CD6: variants seen among roughly 807,000 people sequenced by gnomAD.
CD6 encodes CD6 molecule.
CD6 carries 53 observed loss-of-function variants against 75.3 expected under a neutral mutation model. The ratio of observed to expected loss-of-function variants is 0.70; its 90% CI spans 0.56 to 0.88. CD6 has a LOEUF of 0.88. CD6 is among the 40% of genes least tolerant of loss of function. CD6 has a pLI of 0.00. For missense variants in CD6, 770 were observed against 897.1 expected, an observed-to-expected ratio of 0.86 and a Z score of 1.81; for synonymous variants, 359 against 381.5, an observed-to-expected ratio of 0.94 and a Z score of 0.69.
intron 1 of CD6, among the ~76,000 whole-genome samples, chr11:61,003,004 G>A (rs543591342): frequency 2.7e-4 from 40 of 147,628 alleles, no homozygotes; most frequent in African/African-American, 9.7e-4. Context: ...TCGCTCTGTT[G>A]GCCAGGCTGG....
intron 1 of CD6, among the ~76,000 whole-genome samples, chr11:60,976,027 A>T (rs1028885899): frequency 3.3e-5 from 5 of 152,350 alleles, no homozygotes; most frequent in South Asian, 2.1e-4. Flanking sequence ...AGTTATTTTT[A>T]AAATTTTTAT....
Position 61,007,938 on chromosome 11 carries a change from C to A in CD6, c.469+28C>A. 7.9e-7 allele frequency: 1 copy of A among 1,259,424 alleles called. No homozygotes were observed. The highest frequency in any genetic ancestry group is 1.0e-6 in the Non-Finnish European group (1 of 989,912). The allele number at this position is 1,259,424 out of a possible 1,614,324, so 78.0% of individuals were successfully genotyped here. A position where few individuals can be genotyped will look rare whatever the true frequency, so the allele number is the denominator to read the frequency against. ...ACGAGCGCACCCCCTACACGGGCCC[C>A]CACCTGCCCCACTCCCCAGGCCTTC... On this transcript the variant is annotated intron_variant, in intron 3 of 12. Transcript: ENST00000313421. The surrounding 1 kb of genome is among the most constrained non-coding windows in gnomAD (Gnocchi z 4.2).
intron 1 of CD6, among the ~76,000 whole-genome samples, chr11:60,984,835 G>T (rs144049159): frequency 3.9e-5 from 6 of 152,300 alleles, no homozygotes; most frequent in African/African-American, 1.4e-4. Context: ...GAGGCCCTGA[G>T]GCAGGAATGA....
chr11:61,007,995 C>A lies in CD6; in HGVS notation c.469+85C>A. ...TGCCCCTGGCTCCAGACCCTGGACGCAAGCCTCGCCCTCCAGACCTCCACC... is the reference window on the plus strand; with the variant it reads ...TGCCCCTGGCTCCAGACCCTGGACGAAAGCCTCGCCCTCCAGACCTCCACC... On this transcript the variant is annotated intron_variant, in intron 3 of 12. Coordinates refer to ENST00000313421, the MANE Select transcript of CD6 (RefSeq NM_006725.5). The surrounding 1 kb of genome is among the most constrained non-coding windows in gnomAD (Gnocchi z 4.2). The A allele has an allele frequency of 3.2e-6, 3 of 927,984 alleles. No individual in the cohort carries two copies. Among genetic ancestry groups the A allele is most frequent in the Non-Finnish European group, 4.3e-6 (3 of 692,986 alleles). The allele number at this position is 927,984 out of a possible 1,614,324, so 57.5% of individuals were successfully genotyped here.
rs190704877 is a variant in CD6 at position 61,007,332 on chromosome 11, G to C, written c.119-228G>C. On this transcript the variant is annotated intron_variant, in intron 2 of 12. Transcript: ENST00000313421. This position sits in a 1 kb window ranked among gnomAD's most constrained non-coding sequence, Gnocchi z 4.2. ...TGTCTGTCACCCATCTTAACCTCTA[G>C]AGTCACTCCCAAGCCCCACCTTCGG... 6.6e-6 allele frequency among the ~76,000 whole-genome samples: 1 copy of C among 152,264 alleles called. No individual in the cohort carries two copies. Among genetic ancestry groups the C allele is most frequent in the Admixed American group, 6.5e-5 (1 of 15,302 alleles).
In CD6 at chr11:61,011,027, C is replaced by T. The variant is rs370567112; in HGVS notation, c.1085-43C>T. On this transcript the variant is annotated intron_variant, in intron 5 of 12. Transcript: ENST00000313421. The stretch of plus-strand genomic sequence containing the variant: ...CCCAAGGCCTGGCACACAGTAGGTG[C>T]TCAGTAACATGCATTGAGTGACTGG... The T allele has an allele frequency of 1.9e-6, 3 of 1,573,402 alleles. No individual in the cohort carries two copies. In the African/African-American group the frequency reaches 4.0e-5, roughly 21 times the overall value.
rs7941091 is a variant in CD6 at position 60,994,241 on chromosome 11, G to A, written c.50-12333G>A. Reference sequence around the variant, plus strand: ...GGATTGCTTGAGCTTAGGAGTTTGCGACCAGCCTGGGCAACACGGTGAAAC... The same window carrying A: ...GGATTGCTTGAGCTTAGGAGTTTGCAACCAGCCTGGGCAACACGGTGAAAC... On this transcript the variant is annotated intron_variant, in intron 1 of 12. Coordinates refer to ENST00000313421, the MANE Select transcript of CD6 (RefSeq NM_006725.5). Among the ~76,000 whole-genome samples, 1,019 of 152,060 alleles carry A rather than the reference G, an allele frequency of 6.7e-3. 9 individuals are homozygous for A. Among genetic ancestry groups the A allele is most frequent in the African/African-American group, 0.021 (879 of 41,446 alleles).
chr11:60,971,845 C>G lies in CD6; in HGVS notation c.-21C>G, dbSNP rs759909284. The G allele has an allele frequency of 4.3e-6, 7 of 1,612,962 alleles. No homozygotes were observed. In the South Asian group the frequency reaches 6.6e-5, roughly 15 times the overall value. ...GCTTCCCACAGGCAGCCACGCGTAG[C>G]AGCCAGAGACAGCTCCAGACATGTG... On this transcript the variant is annotated 5_prime_UTR_variant, in exon 1 of 13. Coordinates refer to ENST00000313421, the MANE Select transcript of CD6 (RefSeq NM_006725.5).
rs553166071 is a variant in CD6, at chr11:60,996,483, G to A, written c.50-10091G>A. 4.0e-4 allele frequency among the ~76,000 whole-genome samples: 61 copies of A among 152,318 alleles called. 2 individuals carry two copies. The highest frequency in any genetic ancestry group is 1.4e-3 in the African/African-American group (58 of 41,568). The stretch of plus-strand genomic sequence containing the variant: ...GGGCAAGGGGCAGGTGAGTGTTTCC[G>A]GACAGCTCCCTGAACCAGTCCTGCT... On this transcript the variant is annotated intron_variant, in intron 1 of 12. Coordinates refer to ENST00000313421, the MANE Select transcript of CD6 (RefSeq NM_006725.5).
rs982707310 is a variant in CD6 at position 61,007,290 on chromosome 11, G to C, written c.119-270G>C. ...AGGAGCAAGTGAGGAGGGTTTCTAG[G>C]GGGCTGGACCCCTAGTTGTCTGTCA... On this transcript the variant is annotated intron_variant, in intron 2 of 12. Coordinates refer to ENST00000313421, the MANE Select transcript of CD6 (RefSeq NM_006725.5). This position sits in a 1 kb window ranked among gnomAD's most constrained non-coding sequence, Gnocchi z 4.2. Among the ~76,000 whole-genome samples, 2 of 152,116 alleles carry C rather than the reference G, an allele frequency of 1.3e-5. No individual in the cohort carries two copies. The highest frequency in any genetic ancestry group is 2.4e-5 in the African/African-American group (1 of 41,434).
At chr11:61,008,468 A>G in intron 3 of CD6, 66 bp from the exon 4 acceptor site, 2 of 1,430,452 alleles carry the variant, frequency 1.4e-6, no homozygotes, top group Non-Finnish European at 1.9e-6. Context: ...GGCCAGTCCA[A>G]CCATCACCCC....
intron 1 of CD6, among the ~76,000 whole-genome samples, chr11:61,006,170 A>G (rs907512329): frequency 6.6e-6 from 1 of 152,158 alleles, no homozygotes; most frequent in Non-Finnish European, 1.5e-5. Context: ...CTATATGTCA[A>G]GTATTTCATA....
intron 1 of CD6, among the ~76,000 whole-genome samples, chr11:60,982,077 G>A (rs1343569243): frequency 4.1e-5 from 6 of 145,592 alleles, no homozygotes; most frequent in East Asian, 2.1e-4. Context: ...GCGGGGGGGG[G>A]GGTTCTGTGC....
At chr11:61,004,398 A>T (rs545674000) in intron 1 of CD6, 1 of 152,276 alleles carries the variant, frequency 6.6e-6, no homozygotes, top group Non-Finnish European at 1.5e-5. Context: ...TGCGCTGAAC[A>T]TTCTAATACA....
chr11:60,986,680 T>C (rs1412471408), intron 1 of CD6, among the ~76,000 whole-genome samples: 2 of 152,142 alleles, frequency 1.3e-5, no homozygotes, highest in African/African-American at 4.8e-5. Context: ...TCTTACGGGT[T>C]CCTTCCCCCG....
chr11:61,004,740 T>G (rs950613562), intron 1 of CD6: 3 of 152,252 alleles, frequency 2.0e-5, no homozygotes, highest in African/African-American at 7.2e-5. Context: ...CAAATCTTCA[T>G]GGTTTAACAT....
intron 1 of CD6, among the ~76,000 whole-genome samples, chr11:60,978,355 G>T (rs1857441672): frequency 6.6e-6 from 1 of 152,176 alleles, no homozygotes; most frequent in East Asian, 1.9e-4. Flanking sequence ...GATTTTCCCA[G>T]TGAGCCCTGA....
rs1036066684 is a variant in CD6, at chr11:61,016,634, G to C, written c.1510+799G>C. Among the ~76,000 whole-genome samples the C allele has an allele frequency of 3.3e-5, 5 of 152,236 alleles. No homozygotes were observed. The South Asian group carries it at 8.3e-4, about 25-fold the overall frequency. ...GTCCACATTCCAGGCAAGGGCAAGG[G>C]AACGATGGGATGCTGGAGATGGCCA... On this transcript the variant is annotated intron_variant, in intron 9 of 12. Coordinates refer to ENST00000313421, the MANE Select transcript of CD6 (RefSeq NM_006725.5).
rs753467206 is a variant in CD6 at position 61,006,631 on chromosome 11, T to C, written c.107T>C (p.Leu36Pro). The part of the protein sequence containing the change: ...QLNTSSAESE[L>P]WEPGERLPVR... ...AACACCAGCAGTGCAGAGAGTGAGC[T>C]CTGGGAGCCAGGTGAGCAAACATTC... The change falls in exon 2 of 13, where the codon CTC (leucine) becomes CCC (proline). Residue 36 changes from leucine (L) to proline (P), a missense_variant. Physicochemically the swap from Leu to Pro is moderately conservative, Grantham distance 98. Transcript: ENST00000313421. 7 of 1,609,462 alleles carry C rather than the reference T, an allele frequency of 4.3e-6. No homozygotes were observed. The South Asian group carries it at 7.8e-5, about 18-fold the overall frequency.
Sources: gnomAD v4.1 joint callset for allele counts (sites outside exome capture counted in the v4.1 genomes callset) on GRCh38, gnomAD v4.1.1 for gene constraint, Gnocchi (gnomAD v3.1) non-coding constraint, MANE v1.5 for transcripts, NCBI Gene and HGNC (gene_info 2026-07-23, HGNC 2026-07-21) for gene names.